Variants in ULK4 observed in about 807,000 individuals in gnomAD.
ULK4 encodes the protein unc-51 like kinase 4, also known as inactive serine/threonine-protein kinase ULK4.
A neutral mutation model predicts 160.6 loss-of-function variants in ULK4; 133 were observed. The observed-to-expected ratio is 0.83, with a 90% CI of 0.72 to 0.96. The LOEUF is 0.96. Among genes scored for constraint, ULK4 ranks in the 40% least tolerant of loss-of-function variants. The pLI is 0.00. For missense variants in ULK4, 1,580 were observed against 1,499.5 expected (o/e 1.05, Z -0.89); for synonymous variants, 534 against 539.8 (o/e 0.99, Z 0.15).
At chr3:41,652,435 TG>T (rs1186385828) in intron 30 of ULK4, among the ~76,000 whole-genome samples, 3 of 152,188 alleles carry the variant, frequency 2.0e-5, no homozygotes, top group African/African-American at 7.2e-5. Flanking sequence ...TGTAAAGACC[TG>T]GGTTTGTTTC....
At chr3:41,478,038 C>T (rs966129248) in intron 32 of ULK4, among the ~76,000 whole-genome samples, 1 of 152,242 alleles carries the variant, frequency 6.6e-6, no homozygotes. Flanking sequence ...CTCTACTCCT[C>T]CTCCTGCATT....
chr3:41,611,661 AC>A (rs138654801), intron 31 of ULK4, among the ~76,000 whole-genome samples: 6,896 of 152,066 alleles, frequency 0.045, 211 homozygotes, highest in African/African-American at 0.074. Flanking sequence ...CATGCCCATG[AC>A]CCAAGCCTGA....
rs370489874 is a variant in ULK4 at position 41,873,572 on chromosome 3, G to A, written c.1656+10302C>T. On this transcript the variant is annotated intron_variant, in intron 17 of 36. Transcript: ENST00000301831. ...TGTGTTTGTTTTGTTTTTTGTTTTC[G>A]AGATGGAGTCTCACTCTGTCGCCCA... Among the ~76,000 whole-genome samples, 122 of 151,764 alleles carry A rather than the reference G, an allele frequency of 8.0e-4. 1 individual carries two copies. Among genetic ancestry groups the A allele is most frequent in the African/African-American group, 2.8e-3 (114 of 41,368 alleles).
chr3:41,677,262 A>C (rs1440598423), intron 29 of ULK4, among the ~76,000 whole-genome samples: 2 of 151,440 alleles, frequency 1.3e-5, no homozygotes, highest in African/African-American at 2.4e-5. Flanking sequence ...TAACTCAAAT[A>C]CTATCTCTTT....
At chr3:41,855,900 C>T (rs1173221283) in intron 17 of ULK4, among the ~76,000 whole-genome samples, 1 of 152,118 alleles carries the variant, frequency 6.6e-6, no homozygotes, top group Non-Finnish European at 1.5e-5. Context: ...CTAAAAAATA[C>T]AGCAAAGGTA....
intron 2 of ULK4, among the ~76,000 whole-genome samples, chr3:41,953,832 G>A (rs955214873): frequency 5.9e-5 from 9 of 152,082 alleles, no homozygotes; most frequent in African/African-American, 2.2e-4. Flanking sequence ...CAGACTGCTT[G>A]AGCTCAGGAG....
chr3:41,796,225 A>T (rs1253503868), intron 20 of ULK4, among the ~76,000 whole-genome samples: 2 of 152,166 alleles, frequency 1.3e-5, no homozygotes, highest in Non-Finnish European at 2.9e-5. Context: ...GAATGAACAA[A>T]TCAGTAAGTA....
At chr3:41,529,553 C>T (rs913077471) in intron 32 of ULK4, among the ~76,000 whole-genome samples, 2 of 152,142 alleles carry the variant, frequency 1.3e-5, no homozygotes, top group Non-Finnish European at 2.9e-5. Flanking sequence ...GGCACAATCT[C>T]GGCTCACTGC....
chr3:41,794,376 G>A (rs952918529), intron 20 of ULK4, among the ~76,000 whole-genome samples: 20 of 152,088 alleles, frequency 1.3e-4, no homozygotes, highest in African/African-American at 4.8e-4. Context: ...AGAAAAAACT[G>A]TGCATAAGGC....
At chr3:41,753,211 C>G (rs974225014) in intron 22 of ULK4, among the ~76,000 whole-genome samples, 2 of 152,040 alleles carry the variant, frequency 1.3e-5, no homozygotes, top group African/African-American at 4.8e-5. Flanking sequence ...AGAGTAAGAC[C>G]CTGTCTCCAA....
chr3:41,320,062 A>T (rs751832909), intron 35 of ULK4, among the ~76,000 whole-genome samples: 1 of 152,330 alleles, frequency 6.6e-6, no homozygotes, highest in Admixed American at 6.5e-5. Flanking sequence ...TGTTTTCTTC[A>T]AATTATGGAA....
chr3:41,456,707 T>G (rs2083563797), intron 33 of ULK4, among the ~76,000 whole-genome samples: 1 of 152,244 alleles, frequency 6.6e-6, no homozygotes, highest in Admixed American at 6.5e-5. Flanking sequence ...TTCCTCTCTG[T>G]TTTTACGTTT....
chr3:41,646,174 G>A (rs1388366810), intron 30 of ULK4, among the ~76,000 whole-genome samples: 2 of 151,930 alleles, frequency 1.3e-5, no homozygotes, highest in Non-Finnish European at 1.5e-5. Context: ...TTTTAATTGG[G>A]GCATTTAGTC....
At chr3:41,344,746 C>T (rs1426969251) in intron 35 of ULK4, among the ~76,000 whole-genome samples, 1 of 113,398 alleles carries the variant, frequency 8.8e-6, no homozygotes, top group East Asian at 2.7e-4. Flanking sequence ...GAGCAAGACT[C>T]TGTCTCAAAA....
At chr3:41,863,740 C>T (rs1285112172) in intron 17 of ULK4, among the ~76,000 whole-genome samples, 1 of 151,894 alleles carries the variant, frequency 6.6e-6, no homozygotes, top group Non-Finnish European at 1.5e-5. Context: ...GAAATACCAT[C>T]TGGGAGCCAG....
chr3:41,858,697 G>A (rs2042430019), intron 17 of ULK4, among the ~76,000 whole-genome samples: 1 of 144,378 alleles, frequency 6.9e-6, no homozygotes, highest in Non-Finnish European at 1.5e-5. Flanking sequence ...TAGAGACAAG[G>A]TTTCACCATG....
chr3:41,760,072 T>C (rs1272629286), intron 21 of ULK4, among the ~76,000 whole-genome samples: 2 of 152,052 alleles, frequency 1.3e-5, no homozygotes, highest in African/African-American at 2.4e-5. Context: ...ACCCAGAATA[T>C]ATAAAGAACT....
chr3:41,504,199 T>C (rs530599853), intron 32 of ULK4, among the ~76,000 whole-genome samples: 74 of 152,224 alleles, frequency 4.9e-4, no homozygotes, highest in Admixed American at 2.0e-3. Context: ...ACTTCCCCAA[T>C]CACCTTGCTT....
At chr3:41,655,126 T>A (rs933341689) in intron 30 of ULK4, among the ~76,000 whole-genome samples, 4 of 151,538 alleles carry the variant, frequency 2.6e-5, no homozygotes, top group African/African-American at 4.9e-5. Context: ...CTGGGCAACA[T>A]AGTAAGATGC....
Sources: allele counts gnomAD v4.1 joint callset (sites outside exome capture counted in the v4.1 genomes callset), GRCh38; gene constraint gnomAD v4.1.1; transcripts MANE v1.5; gene names NCBI Gene and HGNC (gene_info 2026-07-23, HGNC 2026-07-21).